The following MGAM2 variants were observed in gnomAD, a reference collection of about 807,000 sequenced individuals.
MGAM2 encodes maltase-glucoamylase 2 (putative).
In MGAM2, 98 loss-of-function variants were observed where a neutral mutation model predicts 96.1. That is an observed-to-expected ratio of 1.02 (90% CI 0.87 to 1.21). The LOEUF (loss-of-function observed/expected upper bound fraction) is 1.21. Among genes scored for constraint, MGAM2 ranks in the 50% most tolerant of loss-of-function variants. The pLI, the probability that MGAM2 is intolerant of heterozygous loss-of-function variation, is 0.00. For missense variants in MGAM2, 2,055 were observed against 1,182.4 expected, an observed-to-expected ratio of 1.74 and a Z score of -10.82; for synonymous variants, 749 against 414.8, an observed-to-expected ratio of 1.81 and a Z score of -9.79.
At chr7:142,152,171 TA>T (rs35193680) in intron 15 of MGAM2, among the ~76,000 whole-genome samples, 88,241 of 145,282 alleles carry the variant, frequency 0.61, 26,440 homozygotes, top group East Asian at 0.85. Context: ...TTAAGATGTT[TA>T]AAAAAAAAAA....
chr7:142,186,261 G>T, intron 35 of MGAM2, 138 bp downstream of exon 35: 1 of 610,968 alleles, frequency 1.6e-6, no homozygotes, highest in East Asian at 2.7e-5. Flanking sequence ...ACAGAATCTA[G>T]GTGCTAGGAC....
chr7:142,118,802 A>C (rs1420636734), intron 2 of MGAM2, among the ~76,000 whole-genome samples: 2 of 152,156 alleles, frequency 1.3e-5, no homozygotes, highest in Non-Finnish European at 2.9e-5. Flanking sequence ...AACAACAAAA[A>C]AATGTTGGAT....
At chr7:142,200,659 A>G (rs1474123390) in intron 45 of MGAM2, among the ~76,000 whole-genome samples, 1 of 152,046 alleles carries the variant, frequency 6.6e-6, no homozygotes, top group Non-Finnish European at 1.5e-5. Context: ...AACATACCAC[A>G]TTTTCTGAAA....
In MGAM2 at chr7:142,166,134, G is replaced by C. The variant is rs1184291128; in HGVS notation, c.2689G>C (p.Gly897Arg). Residue 897 changes from glycine (G) to arginine (R), a missense_variant, in exon 25 of 48, where the codon GGA becomes CGA. Gly to Arg is a moderately radical substitution (Grantham distance 125). Coordinates refer to ENST00000477922, the MANE Select transcript of MGAM2 (RefSeq NM_001293626.2). ...TITDLQGLVL[G>R]QEFSIRWNLP... ...CACTGATCTCCAAGGACTGGTACTG[G>C]GACAAGAATTCTCTATTAGGTGGAA... 2.9e-5 allele frequency: 20 copies of C among 701,748 alleles called. No homozygotes were observed. Among genetic ancestry groups the C allele is most frequent in the Non-Finnish European group, 4.9e-5 (19 of 384,492 alleles). 43.5% of individuals were successfully genotyped at this position (701,748 alleles called of 1,614,324 possible).
intron 47 of MGAM2, among the ~76,000 whole-genome samples, 185 bp from the exon 48 acceptor site, chr7:142,219,685 A>G (rs1797861616): frequency 6.6e-6 from 1 of 152,186 alleles, no homozygotes; most frequent in Non-Finnish European, 1.5e-5. Context: ...TTATGCACAC[A>G]GAGCATCTCT....
At chr7:142,132,121 A>C (rs1303869404) in intron 6 of MGAM2, 36 bp downstream of exon 6, 1 of 689,990 alleles carries the variant, frequency 1.4e-6, no homozygotes, top group African/African-American at 1.8e-5. Flanking sequence ...ATCTTTGAAC[A>C]CACAGTTCTA....
intron 3 of MGAM2, among the ~76,000 whole-genome samples, chr7:142,123,034 T>C (rs1367161429): frequency 6.6e-6 from 1 of 152,148 alleles, no homozygotes; most frequent in East Asian, 1.9e-4. Context: ...TTCACCATAT[T>C]GGCCAGGATG....
intron 45 of MGAM2, among the ~76,000 whole-genome samples, chr7:142,201,078 T>TC (rs1797212673): frequency 8.2e-6 from 1 of 121,434 alleles, no homozygotes; most frequent in African/African-American, 3.5e-5. Flanking sequence ...TTTCTTTTTT[T>TC]TTTCTTTTTT....
At chr7:142,143,927 C>T (rs1413085919) in intron 13 of MGAM2, 45 bp downstream of exon 13, 5 of 698,372 alleles carry the variant, frequency 7.2e-6, no homozygotes, top group Non-Finnish European at 1.0e-5. Context: ...AAACAGATAA[C>T]GCCAAATTTT....
intron 26 of MGAM2, 82 bp downstream of exon 26, chr7:142,167,568 A>C: frequency 3.0e-6 from 2 of 672,588 alleles, no homozygotes; most frequent in Non-Finnish European, 5.4e-6. Flanking sequence ...CATTGAAACA[A>C]TTAAAACATT....
chr7:142,162,069 A>G (rs1283288221), intron 23 of MGAM2, 65 bp downstream of exon 23: 4 of 640,848 alleles, frequency 6.2e-6, no homozygotes, highest in Non-Finnish European at 1.1e-5. Context: ...TTGAGTTTTT[A>G]GTTTAATATA....
At chr7:142,201,809 G>T (rs2129102096) in intron 45 of MGAM2, among the ~76,000 whole-genome samples, 1 of 152,280 alleles carries the variant, frequency 6.6e-6, no homozygotes, top group Middle Eastern at 3.4e-3. Context: ...GGGAGGATGT[G>T]TATAGGTTAT....
chr7:142,208,736 C>T, intron 46 of MGAM2, 114 bp downstream of exon 46: 2 of 608,452 alleles, frequency 3.3e-6, no homozygotes, highest in South Asian at 2.0e-5. Flanking sequence ...TTCTTCTTGC[C>T]TTTACTTTTA....
In MGAM2 at chr7:142,219,996, C is replaced by A. The variant is rs1797870066; in HGVS notation, c.5485C>A (p.Pro1829Thr). The stretch of plus-strand genomic sequence containing the variant: ...AAGTACCATCCCAATGAGTTCTCAT[C>A]CTTCTCCATCTACTACCAATGCCAC... ...KTSTIPMSSH[P>T]SPSTTNATSS... Residue 1829 changes from proline (P) to threonine (T), a missense_variant, in exon 48 of 48, where the codon CCT (proline) becomes ACT (threonine). Pro to Thr is a conservative substitution (Grantham distance 38, BLOSUM62 -1). Coordinates refer to ENST00000477922, the MANE Select transcript of MGAM2 (RefSeq NM_001293626.2). 1.4e-6 allele frequency: 1 copy of A among 702,920 alleles called. No homozygotes were observed. The highest frequency in any genetic ancestry group is 2.6e-6 in the Non-Finnish European group (1 of 384,956). The allele number at this position is 702,920 out of a possible 1,614,324, so 43.5% of individuals were successfully genotyped here. A position where few individuals can be genotyped will look rare whatever the true frequency, so the allele number is the denominator to read the frequency against.
Position 142,166,244 on chromosome 7 carries a change from T to C in MGAM2, c.2799T>C (p.Cys933=). ...ASEESCRQRG[C]LWEDTSTPGV... is the part of the protein sequence containing the mutation. ...AGGAGAGTTGTAGGCAGCGGGGGTG[T>C]CTTTGGGAGGTAAATGACCAGAAAC... The change falls in exon 25 of 48, where the codon TGT becomes TGC. Residue 933 remains cysteine (C), a synonymous_variant. Transcript: ENST00000477922. 1 of 699,454 alleles carries C rather than the reference T, an allele frequency of 1.4e-6. No homozygotes were observed. Among genetic ancestry groups the C allele is most frequent in the East Asian group, 2.7e-5 (1 of 37,204 alleles). 43.3% of individuals were successfully genotyped at this position (699,454 alleles called of 1,614,324 possible).
In MGAM2 at chr7:142,198,247, A is replaced by G. The variant is rs1377458201; in HGVS notation, c.4923+52A>G. The G allele has an allele frequency of 4.4e-6, 3 of 685,600 alleles. No homozygotes were observed. The East Asian group carries it at 8.1e-5, about 19-fold the overall frequency. 42.5% of individuals were successfully genotyped at this position (685,600 alleles called of 1,614,324 possible). A position where few individuals can be genotyped will look rare whatever the true frequency, so the allele number is the denominator to read the frequency against. On this transcript the variant is annotated intron_variant, in intron 43 of 47. Transcript: ENST00000477922. ...CCAGTTTGGTCTATGCAGGGTGGAG[A>G]GGTGGATAGAGCCTTCTATTTCCAA... is the stretch of plus-strand genomic sequence containing the variant.
chr7:142,137,577 A>G, intron 9 of MGAM2, 32 bp downstream of exon 9: 6 of 682,876 alleles, frequency 8.8e-6, no homozygotes, highest in Non-Finnish European at 1.3e-5. Flanking sequence ...GTCATTATTT[A>G]CTGCTGTTAT....
At chr7:142,164,418 A>G (rs1795972978) in intron 23 of MGAM2, among the ~76,000 whole-genome samples, 1 of 152,196 alleles carries the variant, frequency 6.6e-6, no homozygotes, top group South Asian at 2.1e-4. Context: ...TGCCTGTCAC[A>G]TAATACACAC....
At chr7:142,182,787 A>G (rs1057319001) in intron 32 of MGAM2, among the ~76,000 whole-genome samples, 6 of 152,146 alleles carry the variant, frequency 3.9e-5, no homozygotes, top group African/African-American at 1.2e-4. Context: ...CAGTGTTTGC[A>G]TTGCCTCTCT....
Sources: gnomAD v4.1 joint callset for allele counts (sites outside exome capture counted in the v4.1 genomes callset) on GRCh38, gnomAD v4.1.1 for gene constraint, MANE v1.5 for transcripts, NCBI Gene and HGNC (gene_info 2026-07-23, HGNC 2026-07-21) for gene names.